Variants in NWD2 observed in about 807,000 individuals in gnomAD.
The protein encoded by NWD2 is NACHT and WD repeat domain-containing protein 2.
In NWD2, 37 loss-of-function variants were observed where a neutral mutation model predicts 132.7. The observed-to-expected ratio is 0.28, with a 90% CI of 0.21 to 0.37. The LOEUF is 0.37. NWD2 is among the 10% of genes least tolerant of loss of function. The probability of loss-of-function intolerance (pLI) is 1.00; values close to 1 mark genes in which losing one functional copy is unlikely to be tolerated. For synonymous variants in NWD2, 705 were observed against 803.0 expected (o/e 0.88, Z 2.06); for missense variants, 1,592 against 2,122.4 (o/e 0.75, Z 4.91).
intron 3 of NWD2, among the ~76,000 whole-genome samples, chr4:37,367,299 G>T (rs1577681011): frequency 6.6e-6 from 1 of 152,082 alleles, no homozygotes; most frequent in South Asian, 2.1e-4. Context: ...CATGAAAACT[G>T]TGTCAAAACT....
intron 3 of NWD2, among the ~76,000 whole-genome samples, chr4:37,399,525 T>C (rs1012535620): frequency 1.7e-4 from 26 of 152,186 alleles, no homozygotes; most frequent in Admixed American, 2.6e-4. Context: ...AGTTGAAAAA[T>C]CCCTCATTTA....
At chr4:37,293,851 C>G (rs1040209285) in intron 1 of NWD2, among the ~76,000 whole-genome samples, 3 of 147,754 alleles carry the variant, frequency 2.0e-5, no homozygotes, top group African/African-American at 7.5e-5. Context: ...CTGGGTAGTA[C>G]TTAACAAATG....
intron 1 of NWD2, among the ~76,000 whole-genome samples, chr4:37,270,622 CT>C (rs1307787733): frequency 6.6e-6 from 1 of 151,574 alleles, no homozygotes; most frequent in African/African-American, 2.4e-5. Context: ...GGTCATTTGT[CT>C]TTTTTTATTG....
intron 3 of NWD2, among the ~76,000 whole-genome samples, chr4:37,430,003 T>C (rs1293372147): frequency 6.6e-6 from 1 of 152,230 alleles, no homozygotes; most frequent in Admixed American, 6.5e-5. Flanking sequence ...TCATTGTTTT[T>C]CTGTGAGAGG....
At chr4:37,312,677 G>A (rs1384127813) in intron 1 of NWD2, among the ~76,000 whole-genome samples, 1 of 150,848 alleles carries the variant, frequency 6.6e-6, no homozygotes, top group Non-Finnish European at 1.5e-5. Context: ...TTGAATAGGA[G>A]TGGTGAGAGA....
At chr4:37,419,647 C>T (rs565493129) in intron 3 of NWD2, among the ~76,000 whole-genome samples, 13 of 152,146 alleles carry the variant, frequency 8.5e-5, no homozygotes, top group Non-Finnish European at 1.9e-4. Flanking sequence ...GAAAATATGA[C>T]AAAATGTTGA....
intron 3 of NWD2, among the ~76,000 whole-genome samples, chr4:37,390,729 T>A (rs1271845346): frequency 6.6e-6 from 1 of 152,150 alleles, no homozygotes; most frequent in African/African-American, 2.4e-5. Context: ...AGAACTGAGA[T>A]CCAGAGAGTT....
intron 3 of NWD2, among the ~76,000 whole-genome samples, chr4:37,381,153 C>T (rs1720445299): frequency 6.6e-6 from 1 of 152,098 alleles, no homozygotes; most frequent in Admixed American, 6.6e-5. Flanking sequence ...GAAATGTGCC[C>T]TGTGGAGGAT....
At chr4:37,253,001 A>AC (rs11315442) in intron 1 of NWD2, among the ~76,000 whole-genome samples, 3,544 of 136,270 alleles carry the variant, frequency 0.026, 45 homozygotes, top group East Asian at 0.093. Context: ...AATTACCACA[A>AC]CCCCCCCCCC....
chr4:37,443,262 T>G lies in NWD2; in HGVS notation c.1297-23T>G. On this transcript the variant is annotated intron_variant, in intron 6 of 6. Transcript: ENST00000309447. The surrounding 1 kb of genome is among the most constrained non-coding windows in gnomAD (Gnocchi z 4.1). Reference sequence around the variant, plus strand: ...ACCATGTGAATACATATTACCATTCTAAACTCCACTTTTGTGTTTCAGGCT... The same window carrying G: ...ACCATGTGAATACATATTACCATTCGAAACTCCACTTTTGTGTTTCAGGCT... 6.5e-7 allele frequency: 1 copy of G among 1,535,624 alleles called. No individual in the cohort carries two copies. Among genetic ancestry groups the G allele is most frequent in the Non-Finnish European group, 8.8e-7 (1 of 1,135,098 alleles).
At position 37,446,887 on chromosome 4, in the gene NWD2, G is replaced by A; in HGVS notation, c.4899G>A (p.Val1633=). 6.7e-7 allele frequency: 1 copy of A among 1,490,692 alleles called. No individual in the cohort carries two copies. Among genetic ancestry groups the A allele is most frequent in the Non-Finnish European group, 9.0e-7 (1 of 1,112,822 alleles). The allele number at this position is 1,490,692 out of a possible 1,614,324, so 92.3% of individuals were successfully genotyped here. Residue 1633 remains valine, a synonymous_variant, in exon 7 of 7, where the codon GTG becomes GTA. Transcript: ENST00000309447. The surrounding 1 kb of genome is among the most constrained non-coding windows in gnomAD (Gnocchi z 6.7). ...CCCAGAGGCACCTGAACATCATTGTGGGCTTTGATGATGGGAGTATAGGGA... is the reference window on the plus strand; with the variant it reads ...CCCAGAGGCACCTGAACATCATTGTAGGCTTTGATGATGGGAGTATAGGGA... ...ALSQRHLNII[V]GFDDGSIGIY... is the part of the protein sequence containing the mutation.
At chr4:37,292,385 C>G (rs1027564241) in intron 1 of NWD2, among the ~76,000 whole-genome samples, 1 of 152,126 alleles carries the variant, frequency 6.6e-6, no homozygotes, top group South Asian at 2.1e-4. Flanking sequence ...CCTTGGGCCC[C>G]TTCATGTGAG....
At chr4:37,306,028 TAGTC>T (rs1178149219) in intron 1 of NWD2, among the ~76,000 whole-genome samples, 5 of 152,188 alleles carry the variant, frequency 3.3e-5, no homozygotes, top group Non-Finnish European at 7.4e-5. Context: ...CATCATTTGT[TAGTC>T]AGTTCAGGTT....
chr4:37,309,242 T>C (rs578244498), intron 1 of NWD2, among the ~76,000 whole-genome samples: 1 of 152,260 alleles, frequency 6.6e-6, no homozygotes, highest in African/African-American at 2.4e-5. Flanking sequence ...CCTAGGGCCT[T>C]TGGGGAGTGC....
chr4:37,344,944 A>G (rs1289133674), intron 2 of NWD2, among the ~76,000 whole-genome samples: 1 of 152,180 alleles, frequency 6.6e-6, no homozygotes, highest in Non-Finnish European at 1.5e-5. Context: ...CCTATTCTGC[A>G]CATTTCATGT....
chr4:37,433,790 T>C, intron 4 of NWD2, 86 bp from the exon 5 acceptor site: 5 of 1,134,474 alleles, frequency 4.4e-6, no homozygotes, highest in Non-Finnish European at 6.2e-6. Context: ...ATAGTAGGCC[T>C]TCAAATAATA....
At chr4:37,300,839 A>G (rs1038624195) in intron 1 of NWD2, among the ~76,000 whole-genome samples, 6 of 152,082 alleles carry the variant, frequency 3.9e-5, no homozygotes, top group African/African-American at 1.4e-4. Context: ...TACATGCTTA[A>G]TTTAGAATTT....
intron 1 of NWD2, among the ~76,000 whole-genome samples, chr4:37,322,259 CAAAT>C: frequency 6.6e-6 from 1 of 152,190 alleles, no homozygotes; most frequent in Middle Eastern, 3.4e-3. Context: ...ACACAATAAA[CAAAT>C]AAACAATGAT....
chr4:37,288,255 C>T (rs970354327), intron 1 of NWD2, among the ~76,000 whole-genome samples: 8 of 152,130 alleles, frequency 5.3e-5, no homozygotes, highest in African/African-American at 1.9e-4. Context: ...ACGTTTTGCA[C>T]GTGTATCTCA....
Sources: gnomAD v4.1 joint callset for allele counts (sites outside exome capture counted in the v4.1 genomes callset) on GRCh38, gnomAD v4.1.1 for gene constraint, Gnocchi (gnomAD v3.1) non-coding constraint, MANE v1.5 for transcripts, NCBI Gene and HGNC (gene_info 2026-07-23, HGNC 2026-07-21) for gene names.